KREMEN2: variants seen among roughly 807,000 people sequenced by gnomAD.
KREMEN2 encodes kringle containing transmembrane protein 2.
Under a neutral mutation model 49.8 loss-of-function variants are expected in KREMEN2, and 43 were observed. The ratio of observed to expected loss-of-function variants is 0.86; its 90% CI spans 0.68 to 1.11. The LOEUF is 1.11. Ranked by LOEUF, KREMEN2 falls within the 50% of genes most tolerant of loss-of-function variation. The probability of loss-of-function intolerance (pLI) is 0.00; values close to 1 mark genes in which losing one functional copy is unlikely to be tolerated. For synonymous variants in KREMEN2, 355 were observed against 304.9 expected (o/e 1.16, Z -1.71); for missense variants, 686 against 665.7 (o/e 1.03, Z -0.34).
chr16:2,964,736 C>A, intron 1 of KREMEN2, 122 bp downstream of exon 1: 1 of 1,398,876 alleles, frequency 7.1e-7, no homozygotes, highest in Non-Finnish European at 9.8e-7. Context: ...CTGAGCAGCC[C>A]GAGGGCTCCT....
At position 2,964,512 on chromosome 16, in the gene KREMEN2, T is replaced by C; in HGVS notation, c.-9T>C. ...CCGGGCGAGGGTGACCTATCCTTGG[T>C]TGAGAGCGATGGGGACACAAGCCCT... On this transcript the variant is annotated 5_prime_UTR_variant, in exon 1 of 9. Transcript: ENST00000303746. 6.4e-7 allele frequency: 1 copy of C among 1,563,196 alleles called. No homozygotes were observed. The highest frequency in any genetic ancestry group is 8.6e-7 in the Non-Finnish European group (1 of 1,158,134).
In KREMEN2 at chr16:2,967,115, G is replaced by A. The variant is rs1254327961; in HGVS notation, c.846G>A (p.Leu282=). ...TGCGCGACGCGGCTTCGGGCAGCCT[G>A]CTCCGCGCCTTCGATGGCGCCCGCC... ...LELRDAASGS[L]LRAFDGARPP... The change falls in exon 6 of 9, where the codon CTG becomes CTA. Residue 282 remains leucine (L), a synonymous_variant. Coordinates refer to ENST00000303746, the MANE Select transcript of KREMEN2 (RefSeq NM_172229.3). The A allele has an allele frequency of 6.3e-6, 9 of 1,437,216 alleles. No individual in the cohort carries two copies. The African/African-American group carries it at 1.0e-4, about 17-fold the overall frequency. 89.0% of individuals were successfully genotyped at this position (1,437,216 alleles called of 1,614,324 possible).
rs777240297 is a variant in KREMEN2 at position 2,964,520 on chromosome 16, G to C, written c.-1G>C. 1 of 1,573,400 alleles carries C rather than the reference G, an allele frequency of 6.4e-7. No individual in the cohort carries two copies. Among genetic ancestry groups the C allele is most frequent in the African/African-American group, 1.4e-5 (1 of 72,584 alleles). ...GGGTGACCTATCCTTGGTTGAGAGCGATGGGGACACAAGCCCTGCAGGGCT... is the reference window on the plus strand; with the variant it reads ...GGGTGACCTATCCTTGGTTGAGAGCCATGGGGACACAAGCCCTGCAGGGCT... On this transcript the variant is annotated 5_prime_UTR_variant, in exon 1 of 9. Transcript: ENST00000303746.
In KREMEN2 at chr16:2,968,333, A is replaced by G. The variant is rs1283738232; in HGVS notation, c.*313A>G. The G allele has an allele frequency of 6.5e-7, 1 of 1,533,400 alleles. No homozygotes were observed. Among genetic ancestry groups the G allele is most frequent in the Non-Finnish European group, 8.7e-7 (1 of 1,144,978 alleles). 95.0% of individuals were successfully genotyped at this position (1,533,400 alleles called of 1,614,324 possible). ...AGTGAGAGGTCACAGGTCAGCAAAAACAGTCAAAAAACCCCCACAGATTTT... is the reference window on the plus strand; with the variant it reads ...AGTGAGAGGTCACAGGTCAGCAAAAGCAGTCAAAAAACCCCCACAGATTTT... On this transcript the variant is annotated 3_prime_UTR_variant, in exon 9 of 9. Coordinates refer to ENST00000303746, the MANE Select transcript of KREMEN2 (RefSeq NM_172229.3).
Position 2,966,148 on chromosome 16 carries a change from AC to A in KREMEN2, c.279del (p.Asp93GlufsTer66). On this transcript the variant is annotated frameshift_variant, in exon 3 of 9. Transcript: ENST00000303746. LOFTEE classifies it high-confidence loss of function. This position sits in a 1 kb window ranked among gnomAD's most constrained non-coding sequence, Gnocchi z 8.4. ...LGAHNFCRNP[D>X]GDVQPWCYVA... ...CTCCCTCCCACCCGCAGTAACCCAG[AC>A]GGTGACGTGCAGCCGTGGTGCTACG... 6.2e-7 allele frequency: 1 copy of A among 1,612,034 alleles called. No homozygotes were observed. Among genetic ancestry groups the A allele is most frequent in the Non-Finnish European group, 8.5e-7 (1 of 1,179,928 alleles).
chr16:2,966,859 G>A lies in KREMEN2; in HGVS notation c.641-51G>A, dbSNP rs1442549395. On this transcript the variant is annotated intron_variant, in intron 5 of 8. Coordinates refer to ENST00000303746, the MANE Select transcript of KREMEN2 (RefSeq NM_172229.3). This position sits in a 1 kb window ranked among gnomAD's most constrained non-coding sequence, Gnocchi z 8.4. The stretch of plus-strand genomic sequence containing the variant: ...CGAGGTGGGGCCTGGCCGGGCAGGG[G>A]AGCCGCCGTGTCCTGGTCCTCAGGA... 1 of 1,572,582 alleles carries A rather than the reference G, an allele frequency of 6.4e-7. No homozygotes were observed.
At position 2,967,935 on chromosome 16, in the gene KREMEN2, C is replaced by A; in HGVS notation, c.1304C>A (p.Pro435His). The change falls in exon 9 of 9, where the codon CCC (proline) becomes CAC (histidine). Residue 435 changes from proline (P) to histidine (H), a missense_variant. Coordinates refer to ENST00000303746, the MANE Select transcript of KREMEN2 (RefSeq NM_172229.3). The stretch of plus-strand genomic sequence containing the variant: ...GCCTTGCCCTGCTCCCCCGGGGACC[C>A]CCAGGCTGAGGGTTCTGCCGCGGGC... ...GVALPCSPGDPQAEGSAAGYR... is the reference protein window; with the variant it reads ...GVALPCSPGDHQAEGSAAGYR... The A allele has an allele frequency of 6.3e-7, 1 of 1,583,404 alleles. No homozygotes were observed. The highest frequency in any genetic ancestry group is 1.2e-5 in the South Asian group (1 of 86,916).
In KREMEN2 at chr16:2,968,250, G is replaced by C; in HGVS notation, c.*230G>C. 2 of 1,019,718 alleles carry C rather than the reference G, an allele frequency of 2.0e-6. No homozygotes were observed. Among genetic ancestry groups the C allele is most frequent in the East Asian group, 5.2e-5 (2 of 38,408 alleles). 63.2% of individuals were successfully genotyped at this position (1,019,718 alleles called of 1,614,324 possible). The stretch of plus-strand genomic sequence containing the variant: ...CTCCATGGACCTGTATGTGGGGGTG[G>C]TCTCTGGTTTCGGAGGTCTTTGAAC... On this transcript the variant is annotated 3_prime_UTR_variant, in exon 9 of 9. Transcript: ENST00000303746.
chr16:2,964,558 T>C lies in KREMEN2; in HGVS notation c.38T>C (p.Leu13Pro). ...GCCCTGCAGGGCTTCCTCTTTCTCC[T>C]CTTCCTCCCGCTGCTGCAGCCGCGT... is the stretch of plus-strand genomic sequence containing the variant. ...TQALQGFLFL[L>P]FLPLLQPRGA... The change falls in exon 1 of 9, where the codon CTC (leucine) becomes CCC (proline). Residue 13 changes from leucine to proline, a missense_variant. Physicochemically the swap from Leu to Pro is moderately conservative, Grantham distance 98. Coordinates refer to ENST00000303746, the MANE Select transcript of KREMEN2 (RefSeq NM_172229.3). 6.2e-7 allele frequency: 1 copy of C among 1,607,832 alleles called. No individual in the cohort carries two copies. The highest frequency in any genetic ancestry group is 2.3e-5 in the East Asian group (1 of 44,354).
chr16:2,964,519 C>A lies in KREMEN2; in HGVS notation c.-2C>A. On this transcript the variant is annotated 5_prime_UTR_variant, in exon 1 of 9. Coordinates refer to ENST00000303746, the MANE Select transcript of KREMEN2 (RefSeq NM_172229.3). The stretch of plus-strand genomic sequence containing the variant: ...AGGGTGACCTATCCTTGGTTGAGAG[C>A]GATGGGGACACAAGCCCTGCAGGGC... 4 of 1,570,746 alleles carry A rather than the reference C, an allele frequency of 2.5e-6. No individual in the cohort carries two copies. The highest frequency in any genetic ancestry group is 3.4e-6 in the Non-Finnish European group (4 of 1,162,232).
Position 2,966,368 on chromosome 16 carries a change from A to G in KREMEN2, c.405A>G (p.Pro135=). The G allele has an allele frequency of 1.2e-6, 2 of 1,611,706 alleles. No homozygotes were observed. The highest frequency in any genetic ancestry group is 1.7e-6 in the Non-Finnish European group (2 of 1,179,976). ...LGCFVDSGAP[P]ALSGPSGTST... ...GCTTTGTGGACTCAGGGGCACCCCC[A>G]GCCCTCAGCGGCCCCAGCGGCACCT... Residue 135 remains proline (P), a synonymous_variant, in exon 4 of 9, where the codon CCA becomes CCG. Coordinates refer to ENST00000303746, the MANE Select transcript of KREMEN2 (RefSeq NM_172229.3). This position sits in a 1 kb window ranked among gnomAD's most constrained non-coding sequence, Gnocchi z 8.4.
Position 2,964,687 on chromosome 16 carries a change from C to T in KREMEN2, c.94+73C>T, listed in dbSNP as rs2071782837. On this transcript the variant is annotated intron_variant, in intron 1 of 8. Transcript: ENST00000303746. Reference sequence around the variant, plus strand: ...GCCTCCGCCCCCAGGGCCAGGCCCCCAAGGCTAGGGAGGGGGACAGAGCAG... The same window carrying T: ...GCCTCCGCCCCCAGGGCCAGGCCCCTAAGGCTAGGGAGGGGGACAGAGCAG... The T allele has an allele frequency of 5.6e-6, 8 of 1,438,348 alleles. No homozygotes were observed. The South Asian group carries it at 1.0e-4, about 19-fold the overall frequency. 89.1% of individuals were successfully genotyped at this position (1,438,348 alleles called of 1,614,324 possible).
Position 2,965,005 on chromosome 16 carries a change from T to C in KREMEN2, c.241T>C (p.Trp81Arg). ...YSSASDPHGR[W>R]GLGAHNFCRN... is the part of the protein sequence containing the mutation. ...CAGCGCCAGCGACCCCCACGGCCGC[T>C]GGGGGCTGGGCGCGCACAACTTCTG... The change falls in exon 2 of 9, where the codon TGG becomes CGG. Residue 81 changes from tryptophan (W) to arginine (R), a missense_variant. By Grantham distance (101) the Trp-to-Arg change is moderately radical (BLOSUM62 -3). Coordinates refer to ENST00000303746, the MANE Select transcript of KREMEN2 (RefSeq NM_172229.3). 6.4e-7 allele frequency: 1 copy of C among 1,555,900 alleles called. No homozygotes were observed.
At chr16:2,967,700 A>G in intron 8 of KREMEN2, 96 bp downstream of exon 8, 1 of 1,547,954 alleles carries the variant, frequency 6.5e-7, no homozygotes, top group Non-Finnish European at 8.7e-7. Context: ...CTGGGTTCTT[A>G]AGGGAGCGAG....
Position 2,966,782 on chromosome 16 carries a change from G to A in KREMEN2, c.627G>A (p.Leu209=). ...AGCTGTGTGGCGGCGATGGGCGGCTGGGCGTCTATGAAGGTGAGGAGTGGG... is the reference window on the plus strand; with the variant it reads ...AGCTGTGTGGCGGCGATGGGCGGCTAGGCGTCTATGAAGGTGAGGAGTGGG... ...PGQLCGGDGR[L]GVYEVSVGSC... The change falls in exon 5 of 9, where the codon CTG becomes CTA. Residue 209 remains leucine (L), a synonymous_variant. Transcript: ENST00000303746. The surrounding 1 kb of genome is among the most constrained non-coding windows in gnomAD (Gnocchi z 8.4). 2 of 1,611,216 alleles carry A rather than the reference G, an allele frequency of 1.2e-6. No homozygotes were observed. Among genetic ancestry groups the A allele is most frequent in the Non-Finnish European group, 1.7e-6 (2 of 1,179,496 alleles).
chr16:2,967,804 C>T lies in KREMEN2; in HGVS notation c.1179-6C>T. The T allele has an allele frequency of 2.6e-6, 4 of 1,549,600 alleles. No homozygotes were observed. The highest frequency in any genetic ancestry group is 3.5e-6 in the Non-Finnish European group (4 of 1,146,502). ...CCGGCTCGGCTGATGTCTGCTCCCT[C>T]TCTAGGAGCTGTCTGCTGGCTCCGG... On this transcript the variant is annotated splice_polypyrimidine_tract_variant and splice_region_variant and intron_variant, in intron 8 of 8. Coordinates refer to ENST00000303746, the MANE Select transcript of KREMEN2 (RefSeq NM_172229.3).
chr16:2,966,367 C>T lies in KREMEN2; in HGVS notation c.404C>T (p.Pro135Leu). Reference sequence around the variant, plus strand: ...TGCTTTGTGGACTCAGGGGCACCCCCAGCCCTCAGCGGCCCCAGCGGCACC... The same window carrying T: ...TGCTTTGTGGACTCAGGGGCACCCCTAGCCCTCAGCGGCCCCAGCGGCACC... ...LGCFVDSGAPPALSGPSGTST... is the reference protein window; with the variant it reads ...LGCFVDSGAPLALSGPSGTST... The change falls in exon 4 of 9, where the codon CCA becomes CTA. Residue 135 changes from proline (P) to leucine (L), a missense_variant. Coordinates refer to ENST00000303746, the MANE Select transcript of KREMEN2 (RefSeq NM_172229.3). The surrounding 1 kb of genome is among the most constrained non-coding windows in gnomAD (Gnocchi z 8.4). 1 of 1,611,776 alleles carries T rather than the reference C, an allele frequency of 6.2e-7. No individual in the cohort carries two copies. Among genetic ancestry groups the T allele is most frequent in the Non-Finnish European group, 8.5e-7 (1 of 1,180,002 alleles).
In KREMEN2 at chr16:2,966,205, G is replaced by C. The variant is rs1442462841; in HGVS notation, c.335G>C (p.Arg112Pro). ...VAETEEGIYW[R>P]YCDIPSCHMP... The stretch of plus-strand genomic sequence containing the variant: ...GAGACAGAGGAGGGCATCTACTGGC[G>C]CTACTGCGACATCCCCTCCTGTCAC... Residue 112 changes from arginine to proline, a missense_variant, in exon 3 of 9, where the codon CGC becomes CCC. Physicochemically the swap from Arg to Pro is moderately radical, Grantham distance 103. Coordinates refer to ENST00000303746, the MANE Select transcript of KREMEN2 (RefSeq NM_172229.3). This position sits in a 1 kb window ranked among gnomAD's most constrained non-coding sequence, Gnocchi z 8.4. 1.2e-6 allele frequency: 2 copies of C among 1,613,056 alleles called. No individual in the cohort carries two copies. Among genetic ancestry groups the C allele is most frequent in the Non-Finnish European group, 1.7e-6 (2 of 1,179,998 alleles).
chr16:2,966,596 C>T lies in KREMEN2; in HGVS notation c.487-46C>T. 1.3e-6 allele frequency: 2 copies of T among 1,586,276 alleles called. No homozygotes were observed. The highest frequency in any genetic ancestry group is 1.7e-6 in the Non-Finnish European group (2 of 1,170,592). ...CGACCCCAGGCCCCCACCACTTCAC[C>T]CCTACCCCAGCCCCTGCCCTGGGGT... On this transcript the variant is annotated intron_variant, in intron 4 of 8. Coordinates refer to ENST00000303746, the MANE Select transcript of KREMEN2 (RefSeq NM_172229.3). This position sits in a 1 kb window ranked among gnomAD's most constrained non-coding sequence, Gnocchi z 8.4.
Sources: allele counts gnomAD v4.1 joint callset, GRCh38; gene constraint gnomAD v4.1.1; non-coding constraint Gnocchi (gnomAD v3.1); transcripts MANE v1.5; gene names NCBI Gene and HGNC (gene_info 2026-07-23, HGNC 2026-07-21).